Variants in ELF5 observed in about 807,000 individuals in gnomAD.
ELF5 encodes E74 like ETS transcription factor 5.
A neutral mutation model predicts 38.2 loss-of-function variants in ELF5; 31 were observed. The observed-to-expected ratio is 0.81, with a 90% confidence interval of 0.61 to 1.10. ELF5 has a LOEUF of 1.10. ELF5 is among the 50% of genes least tolerant of loss of function. The probability of loss-of-function intolerance (pLI) is 0.00; values close to 1 mark genes in which losing one functional copy is unlikely to be tolerated. For synonymous variants in ELF5, 121 were observed against 112.5 expected (o/e 1.08, Z -0.48); for missense variants, 300 against 306.6 (o/e 0.98, Z 0.16).
At chr11:34,482,245 C>A (rs182688892) in intron 5 of ELF5, among the ~76,000 whole-genome samples, 186 bp downstream of exon 5, 6 of 152,202 alleles carry the variant, frequency 3.9e-5, no homozygotes, top group African/African-American at 1.4e-4. Flanking sequence ...CTCACCCACT[C>A]GTATGAGAAG....
At position 34,489,858 on chromosome 11, in the gene ELF5, T is replaced by C. The variant is rs559422842; in HGVS notation, c.406+151A>G. ...CACACCCACGCTCTTTCTGTCACAC[T>C]CTTTCCACCACGCTTTTCCCCACTG... On this transcript the variant is annotated intron_variant, in intron 4 of 6. Coordinates refer to ENST00000257832, the MANE Select transcript of ELF5 (RefSeq NM_001422.4). 3.2e-6 allele frequency: 3 copies of C among 927,218 alleles called. No homozygotes were observed. The African/African-American group carries it at 4.9e-5, about 15-fold the overall frequency. 57.4% of individuals were successfully genotyped at this position (927,218 alleles called of 1,614,324 possible).
At chr11:34,487,467 G>A (rs1466363443) in intron 4 of ELF5, among the ~76,000 whole-genome samples, 1 of 152,068 alleles carries the variant, frequency 6.6e-6, no homozygotes, top group Admixed American at 6.6e-5. Context: ...CACTCCTCTG[G>A]GCAGGAGCAT....
chr11:34,482,218 A>G (rs1175061451), intron 5 of ELF5, among the ~76,000 whole-genome samples: 2 of 152,242 alleles, frequency 1.3e-5, no homozygotes, highest in African/African-American at 4.8e-5. Flanking sequence ...AGCGTTTGCT[A>G]TTGTCAGATG....
chr11:34,489,665 A>G (rs565735187), intron 4 of ELF5, among the ~76,000 whole-genome samples: 1 of 152,274 alleles, frequency 6.6e-6, no homozygotes, highest in East Asian at 1.9e-4. Context: ...TGTATGACAA[A>G]TGGATACTGG....
At chr11:34,507,215 T>C (rs1411417325) in intron 1 of ELF5, among the ~76,000 whole-genome samples, 2 of 152,220 alleles carry the variant, frequency 1.3e-5, no homozygotes, top group East Asian at 1.9e-4. Context: ...TTCTGCAGCA[T>C]GTGCGGCCCA....
rs777216152 is a variant in ELF5 at position 34,480,727 on chromosome 11, A to G, written c.671+45T>C. Reference sequence around the variant, plus strand: ...AATTTTCTACAGCCAGCCATTGTATATAACTCTTCTTGAAGGCTCATAGTA... The same window carrying G: ...AATTTTCTACAGCCAGCCATTGTATGTAACTCTTCTTGAAGGCTCATAGTA... On this transcript the variant is annotated intron_variant, in intron 6 of 6. Transcript: ENST00000257832. 5.6e-6 allele frequency: 9 copies of G among 1,595,682 alleles called. No homozygotes were observed. The Admixed American group carries it at 1.4e-4, about 25-fold the overall frequency.
intron 4 of ELF5, among the ~76,000 whole-genome samples, chr11:34,484,019 T>A (rs1354215689): frequency 2.6e-5 from 4 of 151,626 alleles, no homozygotes; most frequent in Non-Finnish European, 5.9e-5. Flanking sequence ...TGTATTGTAC[T>A]GTACTAACTA....
At position 34,483,165 on chromosome 11, in the gene ELF5, G is replaced by A. The variant is rs116069124; in HGVS notation, c.407-666C>T. On this transcript the variant is annotated intron_variant, in intron 4 of 6. Transcript: ENST00000257832. ...GGACTTCGCAGTTGCTCTTCCACTTGTCCTGCACGTTGTTCCCTTGGATAC... is the reference window on the plus strand; with the variant it reads ...GGACTTCGCAGTTGCTCTTCCACTTATCCTGCACGTTGTTCCCTTGGATAC... Among the ~76,000 whole-genome samples, 778 of 151,960 alleles carry A rather than the reference G, an allele frequency of 5.1e-3. 7 individuals carry two copies. The highest frequency in any genetic ancestry group is 0.018 in the African/African-American group (742 of 41,432).
chr11:34,480,974 A>T lies in ELF5; in HGVS notation c.476-7T>A. The T allele has an allele frequency of 6.3e-7, 1 of 1,589,644 alleles. No homozygotes were observed. Among genetic ancestry groups the T allele is most frequent in the Non-Finnish European group, 8.5e-7 (1 of 1,170,868 alleles). Reference sequence around the variant, plus strand: ...AGATGAGAACTTTGGAGGCCTTTTGAAAAGGGGAAAACATTAACTATTTAC... The same window carrying T: ...AGATGAGAACTTTGGAGGCCTTTTGTAAAGGGGAAAACATTAACTATTTAC... On this transcript the variant is annotated splice_region_variant and splice_polypyrimidine_tract_variant and intron_variant, in intron 5 of 6. Transcript: ENST00000257832.
chr11:34,488,925 C>T (rs1850084074), intron 4 of ELF5, among the ~76,000 whole-genome samples: 2 of 152,168 alleles, frequency 1.3e-5, no homozygotes, highest in African/African-American at 2.4e-5. Flanking sequence ...GATTTACATC[C>T]CCCAGGCTGC....
intron 5 of ELF5, among the ~76,000 whole-genome samples, chr11:34,482,106 G>A (rs980550523): frequency 6.6e-6 from 1 of 152,222 alleles, no homozygotes; most frequent in African/African-American, 2.4e-5. Context: ...CTTGAACCCA[G>A]GGGGTTTTCA....
At chr11:34,512,157 C>T (rs1296674771) in intron 1 of ELF5, among the ~76,000 whole-genome samples, 7 of 152,158 alleles carry the variant, frequency 4.6e-5, no homozygotes, top group African/African-American at 1.7e-4. Flanking sequence ...GAGGAGAACC[C>T]AGTGGAGTAT....
At chr11:34,483,224 A>G (rs575990882) in intron 4 of ELF5, among the ~76,000 whole-genome samples, 1 of 152,044 alleles carries the variant, frequency 6.6e-6, no homozygotes, top group Admixed American at 6.6e-5. Context: ...ATCCTGTTTC[A>G]AAATCACCTT....
At chr11:34,494,955 T>A (rs1054197569) in intron 2 of ELF5, among the ~76,000 whole-genome samples, 1 of 152,232 alleles carries the variant, frequency 6.6e-6, no homozygotes, top group East Asian at 1.9e-4. Flanking sequence ...ATATCTACTA[T>A]GTGTGCAGCC....
intron 3 of ELF5, 40 bp downstream of exon 3, chr11:34,493,439 C>A (rs766863997): frequency 6.3e-7 from 1 of 1,585,426 alleles, no homozygotes. Flanking sequence ...GGTCCTAATC[C>A]TGGTCCCTCC....
At chr11:34,489,939 A>G in intron 4 of ELF5, 70 bp downstream of exon 4, 1 of 1,562,416 alleles carries the variant, frequency 6.4e-7, no homozygotes, top group South Asian at 1.1e-5. Flanking sequence ...TGATCCTAAA[A>G]GAATGGTCAA....
chr11:34,511,762 G>T, intron 1 of ELF5: 1 of 618,936 alleles, frequency 1.6e-6, no homozygotes. Flanking sequence ...CCCCTGCTCA[G>T]CCTCCCAGAG....
At chr11:34,504,770 G>T (rs922299454) in intron 2 of ELF5, among the ~76,000 whole-genome samples, 3 of 152,196 alleles carry the variant, frequency 2.0e-5, no homozygotes, top group Non-Finnish European at 4.4e-5. Flanking sequence ...AGGGTTTCTG[G>T]GGGCAAAGCT....
At chr11:34,491,146 C>A (rs192067630) in intron 3 of ELF5, among the ~76,000 whole-genome samples, 46 of 152,168 alleles carry the variant, frequency 3.0e-4, no homozygotes, top group African/African-American at 9.4e-4. Flanking sequence ...AGGTAATAAC[C>A]CCCAGTCAAC....
Sources: allele counts gnomAD v4.1 joint callset (sites outside exome capture counted in the v4.1 genomes callset), GRCh38; gene constraint gnomAD v4.1.1; transcripts MANE v1.5; gene names NCBI Gene and HGNC (gene_info 2026-07-23, HGNC 2026-07-21).